ALKBH8: variants seen among roughly 807,000 people sequenced by gnomAD.
ALKBH8 encodes alkB homolog 8, tRNA methyltransferase.
ALKBH8 carries 36 observed loss-of-function variants against 59.8 expected under a neutral mutation model. That is an observed-to-expected ratio of 0.60 (90% confidence interval 0.46 to 0.79). The LOEUF is 0.79. ALKBH8 is among the 30% of genes least tolerant of loss of function. The pLI is 0.00. For synonymous variants in ALKBH8, 276 were observed against 273.6 expected, an observed-to-expected ratio of 1.01 and a Z score of -0.09; for missense variants, 768 against 801.0, an observed-to-expected ratio of 0.96 and a Z score of 0.50.
At chr11:107,554,703 A>G (rs958414612) in intron 3 of ALKBH8, among the ~76,000 whole-genome samples, 3 of 152,252 alleles carry the variant, frequency 2.0e-5, no homozygotes, top group African/African-American at 7.2e-5. Context: ...ACTATTTACT[A>G]GATTCTATTA....
At chr11:107,544,562 A>C (rs1864171300) in intron 7 of ALKBH8, among the ~76,000 whole-genome samples, 1 of 152,186 alleles carries the variant, frequency 6.6e-6, no homozygotes, top group Non-Finnish European at 1.5e-5. Context: ...AATGTATAAA[A>C]AATGACATGA....
At position 107,525,962 on chromosome 11, in the gene ALKBH8, A is replaced by G. The variant is rs1246577401; in HGVS notation, c.879-370T>C. 2.0e-5 allele frequency among the ~76,000 whole-genome samples: 3 copies of G among 152,080 alleles called. No homozygotes were observed. In the East Asian group the frequency reaches 5.8e-4, roughly 29 times the overall value. ...GTAAAAGTATTAAAAACTCCAATTA[A>G]AGAACAAAGATTACTGGACTGGATT... On this transcript the variant is annotated intron_variant, in intron 8 of 11. Transcript: ENST00000428149.
chr11:107,549,898 T>C (rs1864421377), intron 6 of ALKBH8, 75 bp from the exon 7 acceptor site: 2 of 1,061,520 alleles, frequency 1.9e-6, no homozygotes, highest in Non-Finnish European at 2.8e-6. Context: ...AAATGTAGCC[T>C]TATGCTATTA....
chr11:107,528,358 ATTATTATACTT>A (rs1356863888), intron 8 of ALKBH8, among the ~76,000 whole-genome samples: 1 of 150,854 alleles, frequency 6.6e-6, no homozygotes, highest in Non-Finnish European at 1.5e-5. Context: ...TATTATTATG[ATTATTATACTT>A]TAAGTTTTAG....
intron 7 of ALKBH8, among the ~76,000 whole-genome samples, chr11:107,544,154 T>C (rs1864158209): frequency 6.6e-6 from 1 of 152,230 alleles, no homozygotes; most frequent in African/African-American, 2.4e-5. Context: ...GATGGAGTGA[T>C]ATAATGCTGC....
chr11:107,519,062 G>T (rs1862995014), intron 10 of ALKBH8, among the ~76,000 whole-genome samples: 1 of 152,058 alleles, frequency 6.6e-6, no homozygotes, highest in South Asian at 2.1e-4. Flanking sequence ...TCATCACTGG[G>T]ATTACAGGCA....
At chr11:107,539,703 C>T (rs942884361) in intron 7 of ALKBH8, among the ~76,000 whole-genome samples, 15 of 152,014 alleles carry the variant, frequency 9.9e-5, no homozygotes, top group Admixed American at 1.3e-4. Context: ...CAACAAAAAG[C>T]AAAAACAGAA....
intron 10 of ALKBH8, among the ~76,000 whole-genome samples, chr11:107,519,267 G>A (rs1316649177): frequency 6.6e-6 from 1 of 151,916 alleles, no homozygotes; most frequent in African/African-American, 2.4e-5. Flanking sequence ...CACCATGACT[G>A]GCTAATTTTG....
intron 7 of ALKBH8, among the ~76,000 whole-genome samples, chr11:107,543,583 T>G (rs1052199742): frequency 2.0e-5 from 3 of 152,216 alleles, no homozygotes; most frequent in Non-Finnish European, 2.9e-5. Flanking sequence ...TTCTCACCAG[T>G]AGAGCTATAT....
Position 107,508,752 on chromosome 11 carries a change from G to C in ALKBH8, c.1437+2135C>G, listed in dbSNP as rs192662797. ...CTATTCTAAGTAGTTCATGTAAGTAGAATGATATAGTATTTGTCCTTTTGC... is the reference window on the plus strand; with the variant it reads ...CTATTCTAAGTAGTTCATGTAAGTACAATGATATAGTATTTGTCCTTTTGC... On this transcript the variant is annotated intron_variant, in intron 11 of 11. Coordinates refer to ENST00000428149, the MANE Select transcript of ALKBH8 (RefSeq NM_138775.3). Among the ~76,000 whole-genome samples, 518 of 152,290 alleles carry C rather than the reference G, an allele frequency of 3.4e-3. 2 individuals are homozygous for C. The highest frequency in any genetic ancestry group is 0.011 in the African/African-American group (443 of 41,550).
intron 7 of ALKBH8, among the ~76,000 whole-genome samples, chr11:107,538,168 C>A (rs1863900127): frequency 1.3e-5 from 2 of 151,828 alleles, no homozygotes; most frequent in Non-Finnish European, 2.9e-5. Flanking sequence ...TTTTTTTACA[C>A]ATTTTATCCT....
At chr11:107,518,509 C>A (rs1481598133) in intron 10 of ALKBH8, among the ~76,000 whole-genome samples, 1 of 152,214 alleles carries the variant, frequency 6.6e-6, no homozygotes, top group Non-Finnish European at 1.5e-5. Context: ...GGCCATTATG[C>A]CCATGCTGGA....
In ALKBH8 at chr11:107,551,844, C is replaced by T. The variant is rs1864512856; in HGVS notation, c.664G>A (p.Asp222Asn). The change falls in exon 6 of 12, where the codon GAT becomes AAT. Residue 222 changes from aspartate (D) to asparagine (N), a missense_variant. Physicochemically the swap from Asp to Asn is conservative, Grantham distance 23. Coordinates refer to ENST00000428149, the MANE Select transcript of ALKBH8 (RefSeq NM_138775.3). ...TCATACTGATTTATGGTCATTTGAT[C>T]AGGTTTATGTTTAATGTAACCTTTC... ...LRKGYIKHKP[D>N]QMTINQYEPG... The T allele has an allele frequency of 1.9e-6, 3 of 1,547,096 alleles. No homozygotes were observed. The highest frequency in any genetic ancestry group is 4.3e-5 in the Admixed American group (2 of 46,468).
intron 10 of ALKBH8, among the ~76,000 whole-genome samples, chr11:107,513,426 G>T (rs1462284543): frequency 6.6e-6 from 1 of 152,128 alleles, no homozygotes; most frequent in Non-Finnish European, 1.5e-5. Context: ...AGAGAAAAGA[G>T]AATTCTTATA....
intron 7 of ALKBH8, 116 bp from the exon 8 acceptor site, chr11:107,532,522 A>C: frequency 1.3e-5 from 10 of 762,100 alleles, no homozygotes; most frequent in East Asian, 2.8e-5. Context: ...AAACATAATA[A>C]TGCTTGCAGA....
intron 9 of ALKBH8, among the ~76,000 whole-genome samples, chr11:107,524,218 CT>C (rs1372917118): frequency 5.3e-5 from 8 of 152,050 alleles, no homozygotes; most frequent in Admixed American, 5.2e-4. Flanking sequence ...ACCACCATGC[CT>C]GTCTAAATTT....
chr11:107,560,190 C>T (rs1864880902), intron 2 of ALKBH8, among the ~76,000 whole-genome samples: 1 of 152,174 alleles, frequency 6.6e-6, no homozygotes, highest in African/African-American at 2.4e-5. Context: ...CCCAGGAAAT[C>T]TCACGATCCT....
At chr11:107,543,198 G>A (rs778676814) in intron 7 of ALKBH8, among the ~76,000 whole-genome samples, 11 of 152,078 alleles carry the variant, frequency 7.2e-5, no homozygotes, top group Non-Finnish European at 1.3e-4. Flanking sequence ...TCAGCCACGC[G>A]TGGTGGTGGG....
At chr11:107,506,823 C>T (rs551709531) in intron 11 of ALKBH8, among the ~76,000 whole-genome samples, 1 of 152,214 alleles carries the variant, frequency 6.6e-6, no homozygotes, top group South Asian at 2.1e-4. Flanking sequence ...AAACTTACTT[C>T]CTCTGAAACT....
Sources: gnomAD v4.1 joint callset for allele counts (sites outside exome capture counted in the v4.1 genomes callset) on GRCh38, gnomAD v4.1.1 for gene constraint, MANE v1.5 for transcripts, NCBI Gene and HGNC (gene_info 2026-07-23, HGNC 2026-07-21) for gene names.